The following DOCK1 variants were observed in gnomAD, a reference collection of about 807,000 sequenced individuals.
DOCK1 encodes the protein dedicator of cytokinesis protein 1.
A neutral mutation model predicts 262.7 loss-of-function variants in DOCK1; 138 were observed. The ratio of observed to expected loss-of-function variants is 0.53; its 90% CI spans 0.46 to 0.61. DOCK1 has a LOEUF of 0.61. Ranked by LOEUF, DOCK1 falls within the 20% of genes least tolerant of loss-of-function variation. The pLI is 0.00. For synonymous variants in DOCK1, 866 were observed against 867.4 expected (o/e 1.00, Z 0.03); for missense variants, 1,908 against 2,370.7 (o/e 0.80, Z 4.05).
rs2135985713 is a variant in DOCK1 at position 127,078,153 on chromosome 10, A to G, written c.2445+16377A>G. On this transcript the variant is annotated intron_variant, in intron 23 of 51. Transcript: ENST00000623213. ...TATTTATTTTATTTATGTTTTAAAT[A>G]AAGGTTAAGATCTTCCAGAGAAGAC... 3.9e-5 allele frequency among the ~76,000 whole-genome samples: 6 copies of G among 152,334 alleles called. 2 individuals carry two copies. Among genetic ancestry groups the G allele is most frequent in the Admixed American group, 3.9e-4 (6 of 15,298 alleles).
At chr10:127,373,679 C>T in intron 33 of DOCK1, 102 bp from the exon 34 acceptor site, 1 of 1,059,498 alleles carries the variant, frequency 9.4e-7, no homozygotes, top group Non-Finnish European at 1.4e-6. Flanking sequence ...GGGTAGCCAT[C>T]TATGATGATC....
At chr10:126,930,845 C>T (rs917199023) in intron 1 of DOCK1, among the ~76,000 whole-genome samples, 3 of 152,136 alleles carry the variant, frequency 2.0e-5, no homozygotes, top group Non-Finnish European at 4.4e-5. Context: ...AGGTGAGTAC[C>T]CCCTACTGGG....
intron 29 of DOCK1, among the ~76,000 whole-genome samples, chr10:127,272,832 G>C (rs1394097762): frequency 6.6e-6 from 1 of 152,214 alleles, no homozygotes; most frequent in Non-Finnish European, 1.5e-5. Flanking sequence ...GACAAGAGAA[G>C]AGAGCTTGTG....
At chr10:127,242,962 G>A (rs546271872) in intron 27 of DOCK1, among the ~76,000 whole-genome samples, 31 of 152,222 alleles carry the variant, frequency 2.0e-4, no homozygotes, top group African/African-American at 7.0e-4. Context: ...TCTGAGGCTG[G>A]GAACTGCCCA....
intron 48 of DOCK1, among the ~76,000 whole-genome samples, chr10:127,434,661 T>C (rs2069544221): frequency 6.6e-6 from 1 of 151,716 alleles, no homozygotes; most frequent in African/African-American, 2.4e-5. Context: ...ACTTTCTTTT[T>C]TTTTTTTTTT....
At chr10:127,312,401 A>G (rs890113219) in intron 29 of DOCK1, among the ~76,000 whole-genome samples, 2 of 152,112 alleles carry the variant, frequency 1.3e-5, no homozygotes, top group African/African-American at 4.8e-5. Context: ...AACACAAGAG[A>G]TCTGGGCTCC....
intron 38 of DOCK1, among the ~76,000 whole-genome samples, chr10:127,394,495 T>C (rs1401035447): frequency 6.6e-6 from 1 of 152,222 alleles, no homozygotes; most frequent in Non-Finnish European, 1.5e-5. Context: ...AGTTTCCCTT[T>C]GGAAACACAG....
intron 29 of DOCK1, among the ~76,000 whole-genome samples, chr10:127,261,389 CTGCATGTGTG>C (rs1482886969): frequency 9.5e-6 from 1 of 105,766 alleles, no homozygotes; most frequent in Non-Finnish European, 1.9e-5. Flanking sequence ...GTGTGTGTAC[CTGCATGTGTG>C]TGCATGTGGG....
At chr10:126,912,476 T>C (rs370946833) in intron 1 of DOCK1, among the ~76,000 whole-genome samples, 117 of 149,768 alleles carry the variant, frequency 7.8e-4, no homozygotes, top group East Asian at 3.8e-3. Context: ...CCTGTAATCC[T>C]AGCACTTTGG....
intron 29 of DOCK1, among the ~76,000 whole-genome samples, chr10:127,277,736 C>T (rs2060794883): frequency 6.6e-6 from 1 of 152,162 alleles, no homozygotes; most frequent in African/African-American, 2.4e-5. Context: ...GTACTCCAGC[C>T]TGGGTGACAG....
chr10:127,274,799 C>CTAAGGAGAGAAGTAAATTCACTTTAAT (rs2060688092), intron 29 of DOCK1, among the ~76,000 whole-genome samples: 1 of 152,110 alleles, frequency 6.6e-6, no homozygotes, highest in African/African-American at 2.4e-5. Context: ...TATGACCCTC[C>CTAAGGAGAGAAGTAAATTCACTTTAAT]TAAGGAGAGA....
intron 27 of DOCK1, among the ~76,000 whole-genome samples, chr10:127,178,593 A>G (rs1167420663): frequency 1.3e-5 from 2 of 152,164 alleles, no homozygotes; most frequent in Non-Finnish European, 2.9e-5. Flanking sequence ...CGATTATCCT[A>G]TAGTGTGTCC....
intron 1 of DOCK1, among the ~76,000 whole-genome samples, chr10:126,932,159 A>G (rs1270345048): frequency 6.6e-6 from 1 of 152,206 alleles, no homozygotes; most frequent in African/African-American, 2.4e-5. Context: ...CAGGCCTAGC[A>G]TTGAAGGAAC....
At chr10:127,393,089 C>G (rs144606227) in intron 38 of DOCK1, among the ~76,000 whole-genome samples, 160 of 152,364 alleles carry the variant, frequency 1.1e-3, no homozygotes, top group African/African-American at 3.8e-3. Flanking sequence ...GGCTCACGTC[C>G]TGAGCGTGTG....
intron 27 of DOCK1, among the ~76,000 whole-genome samples, chr10:127,159,698 T>C (rs1053040919): frequency 1.3e-5 from 2 of 152,114 alleles, no homozygotes; most frequent in Non-Finnish European, 2.9e-5. Context: ...TACGGACCGT[T>C]GGCAAAAGAG....
chr10:127,218,101 T>G (rs1359242536), intron 27 of DOCK1, among the ~76,000 whole-genome samples: 1 of 152,232 alleles, frequency 6.6e-6, no homozygotes, highest in East Asian at 1.9e-4. Flanking sequence ...AGTATCTTTA[T>G]GAAATCTAAA....
chr10:127,018,753 G>A lies in DOCK1; in HGVS notation c.1245G>A (p.Gln415=). Residue 415 remains glutamine (Q), a synonymous_variant, in exon 13 of 52, where the codon CAG becomes CAA. Transcript: ENST00000623213. ...AATTACTTCCTGGAGATATCCATCA[G>A]ATCCGAAAAGAGTTTCCGCATTTAG... ...TLKLLPGDIH[Q]IRKEFPHLVD... is the part of the protein sequence containing the mutation. The A allele has an allele frequency of 6.2e-7, 1 of 1,614,012 alleles. No individual in the cohort carries two copies.
intron 38 of DOCK1, among the ~76,000 whole-genome samples, chr10:127,395,258 G>C (rs1444743894): frequency 1.3e-5 from 2 of 152,122 alleles, no homozygotes; most frequent in East Asian, 3.9e-4. Flanking sequence ...CCTAGATCAA[G>C]GCACTCACAG....
intron 1 of DOCK1, among the ~76,000 whole-genome samples, chr10:126,930,787 G>T (rs2134179112): frequency 6.6e-6 from 1 of 152,352 alleles, no homozygotes; most frequent in Non-Finnish European, 1.5e-5. Flanking sequence ...TGGCAGAGAA[G>T]TGTGGACATC....
Sources: gnomAD v4.1 joint callset for allele counts (sites outside exome capture counted in the v4.1 genomes callset) on GRCh38, gnomAD v4.1.1 for gene constraint, MANE v1.5 for transcripts, NCBI Gene and HGNC (gene_info 2026-07-23, HGNC 2026-07-21) for gene names.